The following SCFD2 variants were observed in gnomAD, a reference collection of about 807,000 sequenced individuals.
SCFD2 encodes sec1 family domain containing 2.
SCFD2 carries 54 observed loss-of-function variants against 58.9 expected under a neutral mutation model. The observed-to-expected ratio is 0.92, with a 90% CI of 0.74 to 1.15. The LOEUF (loss-of-function observed/expected upper bound fraction) is 1.15. Among genes scored for constraint, SCFD2 ranks in the 50% most tolerant of loss-of-function variants. SCFD2 has a pLI of 0.00. For synonymous variants in SCFD2, 321 were observed against 335.9 expected (o/e 0.96, Z 0.49); for missense variants, 805 against 836.6 (o/e 0.96, Z 0.47).
intron 7 of SCFD2, among the ~76,000 whole-genome samples, chr4:52,886,315 T>C (rs1718739426): frequency 6.6e-6 from 1 of 152,214 alleles, no homozygotes; most frequent in African/African-American, 2.4e-5. Flanking sequence ...AAAAACCACC[T>C]GACTTCGGTT....
At chr4:53,271,787 T>G (rs909756191) in intron 4 of SCFD2, among the ~76,000 whole-genome samples, 3 of 152,004 alleles carry the variant, frequency 2.0e-5, no homozygotes, top group African/African-American at 7.3e-5. Context: ...ATCTTAAAAA[T>G]AGAAACTTGA....
intron 5 of SCFD2, among the ~76,000 whole-genome samples, chr4:53,100,429 G>A (rs891752028): frequency 1.3e-5 from 2 of 152,136 alleles, no homozygotes; most frequent in Non-Finnish European, 2.9e-5. Context: ...ACACATGCAT[G>A]TGTGCATATG....
intron 2 of SCFD2, among the ~76,000 whole-genome samples, chr4:53,324,720 G>A (rs528577288): frequency 1.2e-4 from 18 of 152,214 alleles, no homozygotes; most frequent in African/African-American, 3.4e-4. Flanking sequence ...GGTACATGGC[G>A]CTGGGGTGAT....
chr4:53,066,047 G>C (rs1723654242), intron 5 of SCFD2, among the ~76,000 whole-genome samples: 1 of 152,054 alleles, frequency 6.6e-6, no homozygotes, highest in South Asian at 2.1e-4. Context: ...ACGCTTTGAA[G>C]TAAAATGATT....
chr4:53,189,048 C>T (rs1727818283), intron 4 of SCFD2, among the ~76,000 whole-genome samples: 1 of 152,160 alleles, frequency 6.6e-6, no homozygotes, highest in African/African-American at 2.4e-5. Flanking sequence ...ATTCATCAAG[C>T]ACATAGCCCA....
At chr4:53,061,218 C>T (rs767924142) in intron 5 of SCFD2, among the ~76,000 whole-genome samples, 7 of 152,104 alleles carry the variant, frequency 4.6e-5, no homozygotes, top group Non-Finnish European at 8.8e-5. Context: ...CAAGATTGAA[C>T]TTATATTTTG....
chr4:53,029,764 T>A (rs940400259), intron 5 of SCFD2, among the ~76,000 whole-genome samples: 1 of 152,246 alleles, frequency 6.6e-6, no homozygotes, highest in Non-Finnish European at 1.5e-5. Context: ...GTACTGCAAC[T>A]ACCATCTGTA....
intron 5 of SCFD2, among the ~76,000 whole-genome samples, chr4:53,139,855 A>T (rs1467238087): frequency 6.6e-6 from 1 of 152,094 alleles, no homozygotes; most frequent in African/African-American, 2.4e-5. Context: ...ATTTTGTTCT[A>T]TACTAAGAAA....
At chr4:53,332,448 CA>C (rs1323203536) in intron 2 of SCFD2, among the ~76,000 whole-genome samples, 1 of 151,600 alleles carries the variant, frequency 6.6e-6, no homozygotes, top group Non-Finnish European at 1.5e-5. Context: ...TCAATATACG[CA>C]AATCAATAAA....
chr4:52,941,443 A>G (rs954426364), intron 5 of SCFD2, among the ~76,000 whole-genome samples: 3 of 152,204 alleles, frequency 2.0e-5, no homozygotes, highest in African/African-American at 7.2e-5. Context: ...AGGCTGGAAA[A>G]CTAAACACTC....
At chr4:52,915,074 T>C (rs1479000461) in intron 6 of SCFD2, among the ~76,000 whole-genome samples, 1 of 152,250 alleles carries the variant, frequency 6.6e-6, no homozygotes, top group African/African-American at 2.4e-5. Flanking sequence ...ACTTGAATGT[T>C]AGCTCTTCAG....
At chr4:52,898,620 G>C (rs1303209243) in intron 7 of SCFD2, among the ~76,000 whole-genome samples, 7 of 152,222 alleles carry the variant, frequency 4.6e-5, no homozygotes, top group Non-Finnish European at 1.0e-4. Flanking sequence ...TGAAAAGAAT[G>C]CATATTCTGT....
chr4:53,112,886 G>A (rs747149155), intron 5 of SCFD2, among the ~76,000 whole-genome samples: 7 of 151,790 alleles, frequency 4.6e-5, no homozygotes, highest in East Asian at 1.9e-4. Flanking sequence ...TTTTCCTTAC[G>A]CATTCCCTAC....
At chr4:53,092,549 C>T in intron 5 of SCFD2, among the ~76,000 whole-genome samples, 1 of 149,484 alleles carries the variant, frequency 6.7e-6, no homozygotes, top group Non-Finnish European at 1.5e-5. Flanking sequence ...CCTACATGTC[C>T]AATAAGAGAT....
At chr4:53,252,841 G>A (rs1243701152) in intron 4 of SCFD2, among the ~76,000 whole-genome samples, 2 of 152,142 alleles carry the variant, frequency 1.3e-5, no homozygotes, top group African/African-American at 4.8e-5. Flanking sequence ...AGGACTTCAT[G>A]TCTAAAACAC....
chr4:53,272,718 G>A (rs1731211980), intron 4 of SCFD2, among the ~76,000 whole-genome samples: 1 of 151,940 alleles, frequency 6.6e-6, no homozygotes, highest in African/African-American at 2.4e-5. Context: ...GGGGGAAGGG[G>A]AGAGGGATAG....
chr4:52,984,442 T>C (rs1225045900), intron 5 of SCFD2, among the ~76,000 whole-genome samples: 1 of 152,200 alleles, frequency 6.6e-6, no homozygotes, highest in East Asian at 1.9e-4. Context: ...CCACTTTTAA[T>C]TATTTATCAG....
intron 5 of SCFD2, among the ~76,000 whole-genome samples, chr4:53,027,987 C>T (rs577700908): frequency 7.2e-5 from 11 of 152,044 alleles, no homozygotes; most frequent in Admixed American, 3.3e-4. Flanking sequence ...TGGCTCATGC[C>T]TGTAATCCCA....
chr4:53,194,407 A>ATATATATAT (rs1728000539), intron 4 of SCFD2, among the ~76,000 whole-genome samples: 1 of 152,156 alleles, frequency 6.6e-6, no homozygotes, highest in South Asian at 2.1e-4. Flanking sequence ...TAGAACCTAT[A>ATATATATAT]ATTATATAAG....
Sources: gnomAD v4.1 joint callset for allele counts (sites outside exome capture counted in the v4.1 genomes callset) on GRCh38, gnomAD v4.1.1 for gene constraint, MANE v1.5 for transcripts, NCBI Gene and HGNC (gene_info 2026-07-23, HGNC 2026-07-21) for gene names.